ARL6IP4: variants seen among roughly 807,000 people sequenced by gnomAD.
ARL6IP4 encodes ADP-ribosylation factor-like protein 6-interacting protein 4.
Under a neutral mutation model 28.1 loss-of-function variants are expected in ARL6IP4, and 24 were observed. That is an observed-to-expected ratio of 0.86 (90% CI 0.62 to 1.20). ARL6IP4 has a LOEUF of 1.20. ARL6IP4 is among the 50% of genes most tolerant of loss of function. The pLI is 0.00. For synonymous variants in ARL6IP4, 162 were observed against 122.3 expected (o/e 1.32, Z -2.14); for missense variants, 343 against 302.4 (o/e 1.13, Z -1.00).
Position 122,981,620 on chromosome 12 carries a change from G to A in ARL6IP4, c.210G>A (p.Arg70=), listed in dbSNP as rs572450776. 14 of 1,562,574 alleles carry A rather than the reference G, an allele frequency of 9.0e-6. No homozygotes were observed. In the Admixed American group the frequency reaches 1.3e-4, roughly 14 times the overall value. ...ITERSKQKAR[R]RTRSSSSSSS... ...AGAGAAGCAAGCAGAAGGCCCGGAG[G>A]AGAACAAGATCCAGCTCCTCCTCCT... Residue 70 remains arginine (R), a synonymous_variant, in exon 3 of 6, where the codon AGG becomes AGA. Coordinates refer to ENST00000315580, the MANE Select transcript of ARL6IP4 (RefSeq NM_018694.4).
At position 122,981,834 on chromosome 12, in the gene ARL6IP4, C is replaced by T. The variant is rs759474425; in HGVS notation, c.424C>T (p.Leu142=). 3 of 1,610,056 alleles carry T rather than the reference C, an allele frequency of 1.9e-6. No individual in the cohort carries two copies. Among genetic ancestry groups the T allele is most frequent in the East Asian group, 2.2e-5 (1 of 44,750 alleles). The change falls in exon 3 of 6, where the codon CTG becomes TTG. Residue 142 remains leucine (L), a synonymous_variant. Transcript: ENST00000315580. ...QQVEALPGPS[L]DQWHRSAGEE... ...GGTGGAGGCTCTGCCGGGCCCCTCG[C>T]TGGACCAGTGGCACCGATCAGCTGG... is the stretch of plus-strand genomic sequence containing the variant.
chr12:122,980,385 CGTAT>C, upstream of ARL6IP4: 1 of 1,344,152 alleles, frequency 7.4e-7, no homozygotes, highest in Non-Finnish European at 9.6e-7. Context: ...AGCTCGCAGT[CGTAT>C]GGAGAGGGCA....
At chr12:122,980,467 T>G, upstream of ARL6IP4, 2 of 1,361,912 alleles carry the variant, frequency 1.5e-6, no homozygotes, top group Non-Finnish European at 1.9e-6. Context: ...GGGGCGTGGG[T>G]GCTGCGGGCG....
At chr12:122,980,955 C>A in intron 1 of ARL6IP4, 174 bp from the exon 2 acceptor site, 1 of 1,385,612 alleles carries the variant, frequency 7.2e-7, no homozygotes, top group Non-Finnish European at 9.3e-7. Context: ...GGACTGGAGT[C>A]GGCGGAGAAA....
chr12:122,982,705 G>A lies in ARL6IP4; in HGVS notation c.*29G>A, dbSNP rs370414396. On this transcript the variant is annotated 3_prime_UTR_variant, in exon 6 of 6. Coordinates refer to ENST00000315580, the MANE Select transcript of ARL6IP4 (RefSeq NM_018694.4). ...CCCCCGCTGGCCAAGGCCTGTGGAC[G>A]ACGCTGGCGGCCCAGCCTGGGCAGG... 20 of 1,606,594 alleles carry A rather than the reference G, an allele frequency of 1.2e-5. No homozygotes were observed. Among genetic ancestry groups the A allele is most frequent in the African/African-American group, 4.0e-5 (3 of 74,776 alleles).
Position 122,981,260 on chromosome 12 carries a change from T to G in ARL6IP4, c.121T>G (p.Ser41Ala). 1 of 1,549,524 alleles carries G rather than the reference T, an allele frequency of 6.5e-7. No homozygotes were observed. The highest frequency in any genetic ancestry group is 2.5e-5 in the East Asian group (1 of 40,688). Residue 41 changes from serine (S) to alanine (A), a missense_variant, in exon 2 of 6, where the codon TCC (serine) becomes GCC (alanine). Coordinates refer to ENST00000315580, the MANE Select transcript of ARL6IP4 (RefSeq NM_018694.4). Reference protein sequence around the residue: ...DTSRNCSASTSQGRKASTAPG... With the variant: ...DTSRNCSASTAQGRKASTAPG... Reference sequence around the variant, plus strand: ...CTCGAGGAACTGCTCGGCCTCCACATCCCAAGGTCGCAAGGCCAGCACGGC... The same window carrying G: ...CTCGAGGAACTGCTCGGCCTCCACAGCCCAAGGTCGCAAGGCCAGCACGGC...
chr12:122,982,035 T>G lies in ARL6IP4; in HGVS notation c.548T>G (p.Ile183Ser), dbSNP rs750726249. The change falls in exon 4 of 6, where the codon ATC (isoleucine) becomes AGC (serine). Residue 183 changes from isoleucine to serine, a missense_variant. Coordinates refer to ENST00000315580, the MANE Select transcript of ARL6IP4 (RefSeq NM_018694.4). ...GAGGAGTGGGATGCCCGGCAGAGCATCATCCGCAAGGTGGTGGACCCTGAG... is the reference window on the plus strand; with the variant it reads ...GAGGAGTGGGATGCCCGGCAGAGCAGCATCCGCAAGGTGGTGGACCCTGAG... Reference protein sequence around the residue: ...TKEEWDARQSIIRKVVDPETG... With the variant: ...TKEEWDARQSSIRKVVDPETG... 6.2e-7 allele frequency: 1 copy of G among 1,613,464 alleles called. No homozygotes were observed. The highest frequency in any genetic ancestry group is 1.3e-5 in the African/African-American group (1 of 74,932).
rs1331479494 is a variant in ARL6IP4, at chr12:122,981,325, G to C, written c.160+26G>C. The C allele has an allele frequency of 3.9e-6, 6 of 1,530,822 alleles. No homozygotes were observed. The Admixed American group carries it at 8.4e-5, about 21-fold the overall frequency. The allele number at this position is 1,530,822 out of a possible 1,614,324, so 94.8% of individuals were successfully genotyped here. On this transcript the variant is annotated intron_variant, in intron 2 of 5. Coordinates refer to ENST00000315580, the MANE Select transcript of ARL6IP4 (RefSeq NM_018694.4). ...GTGAGGACCACAGGCATCGGGGAGAGGAGGCGCAGTTACTACCCGGGGAAG... is the reference window on the plus strand; with the variant it reads ...GTGAGGACCACAGGCATCGGGGAGACGAGGCGCAGTTACTACCCGGGGAAG...
At chr12:122,980,589 G>A (rs1231826052), upstream of ARL6IP4, 2 of 1,390,202 alleles carry the variant, frequency 1.4e-6, no homozygotes, top group Non-Finnish European at 9.3e-7. Context: ...AGGTGGGCGC[G>A]CCCGGGACGG....
At chr12:122,980,831 G>A (rs2037612495) in intron 1 of ARL6IP4, 86 bp downstream of exon 1, 2 of 1,328,796 alleles carry the variant, frequency 1.5e-6, no homozygotes, top group Non-Finnish European at 1.9e-6. Context: ...GCGCGGGAAA[G>A]CGCCCCAGAC....
intron 2 of ARL6IP4, 42 bp from the exon 3 acceptor site, chr12:122,981,529 G>C: frequency 6.7e-7 from 1 of 1,492,994 alleles, no homozygotes; most frequent in Non-Finnish European, 8.9e-7. Context: ...CCAGGCCAGA[G>C]CAGGGGACGA....
intron 4 of ARL6IP4, 103 bp downstream of exon 4, chr12:122,982,177 A>G: frequency 3.8e-6 from 5 of 1,332,798 alleles, no homozygotes; most frequent in Non-Finnish European, 5.4e-6. Context: ...CTGGTGCCTG[A>G]AAAAGGCCAA....
At chr12:122,982,138 C>T (rs2037706187) in intron 4 of ARL6IP4, 64 bp downstream of exon 4, 3 of 1,569,558 alleles carry the variant, frequency 1.9e-6, no homozygotes, top group Non-Finnish European at 2.6e-6. Context: ...GATGTGTGCT[C>T]TCGGGAGGAG....
At chr12:122,981,338 C>G in intron 2 of ARL6IP4, 39 bp downstream of exon 2, 1 of 1,523,182 alleles carries the variant, frequency 6.6e-7, no homozygotes, top group Non-Finnish European at 8.8e-7. Flanking sequence ...GGCGCAGTTA[C>G]TACCCGGGGA....
At chr12:122,980,890 G>A (rs186157628) in intron 1 of ARL6IP4, 145 bp downstream of exon 1, 9 of 1,352,978 alleles carry the variant, frequency 6.7e-6, no homozygotes, top group Non-Finnish European at 8.5e-6. Context: ...GGAGCCGGGT[G>A]CGCAGGCGTG....
At position 122,980,732 on chromosome 12, in the gene ARL6IP4, G is replaced by A. The variant is rs1302982825; in HGVS notation, c.-25G>A. 2.9e-5 allele frequency: 38 copies of A among 1,322,204 alleles called. No individual in the cohort carries two copies. The highest frequency in any genetic ancestry group is 3.7e-5 in the Non-Finnish European group (38 of 1,040,708). The allele number at this position is 1,322,204 out of a possible 1,614,324, so 81.9% of individuals were successfully genotyped here. ...AGGCGCGGGGCGGGCTGTCCGGCCC[G>A]CAGGGCGGTCGAGGTGGGAACGGAG... On this transcript the variant is annotated 5_prime_UTR_variant, in exon 1 of 6. Coordinates refer to ENST00000315580, the MANE Select transcript of ARL6IP4 (RefSeq NM_018694.4).
chr12:122,982,711 G>A lies in ARL6IP4; in HGVS notation c.*35G>A, dbSNP rs748372148. 4.4e-6 allele frequency: 7 copies of A among 1,603,534 alleles called. No homozygotes were observed. In the South Asian group the frequency reaches 5.5e-5, roughly 13 times the overall value. On this transcript the variant is annotated 3_prime_UTR_variant, in exon 6 of 6. Coordinates refer to ENST00000315580, the MANE Select transcript of ARL6IP4 (RefSeq NM_018694.4). ...CTGGCCAAGGCCTGTGGACGACGCT[G>A]GCGGCCCAGCCTGGGCAGGTTTCAG...
chr12:122,982,614 C>G lies in ARL6IP4; in HGVS notation c.658-6C>G, dbSNP rs759035870. The G allele has an allele frequency of 1.9e-6, 3 of 1,614,144 alleles. No individual in the cohort carries two copies. The highest frequency in any genetic ancestry group is 1.3e-5 in the African/African-American group (1 of 75,054). ...TACCCCTCCTCCTGTGTGCTTTCTTCCCCAGCAAGCCACCCGAGGGGACTG... is the reference window on the plus strand; with the variant it reads ...TACCCCTCCTCCTGTGTGCTTTCTTGCCCAGCAAGCCACCCGAGGGGACTG... On this transcript the variant is annotated splice_region_variant and splice_polypyrimidine_tract_variant and intron_variant, in intron 5 of 5. Transcript: ENST00000315580.
At position 122,980,749 on chromosome 12, in the gene ARL6IP4, G is replaced by T; in HGVS notation, c.-12+4G>T. 7.6e-7 allele frequency: 1 copy of T among 1,319,158 alleles called. No homozygotes were observed. Among genetic ancestry groups the T allele is most frequent in the Non-Finnish European group, 9.6e-7 (1 of 1,039,102 alleles). The allele number at this position is 1,319,158 out of a possible 1,614,324, so 81.7% of individuals were successfully genotyped here. A position where few individuals can be genotyped will look rare whatever the true frequency, so the allele number is the denominator to read the frequency against. ...TCCGGCCCGCAGGGCGGTCGAGGTG[G>T]GAACGGAGCAGCCCCGGGGGCCCCC... On this transcript the variant is annotated splice_donor_region_variant and intron_variant, in intron 1 of 5. Coordinates refer to ENST00000315580, the MANE Select transcript of ARL6IP4 (RefSeq NM_018694.4).
Sources: gnomAD v4.1 joint callset for allele counts on GRCh38, gnomAD v4.1.1 for gene constraint, MANE v1.5 for transcripts, NCBI Gene and HGNC (gene_info 2026-07-23, HGNC 2026-07-21) for gene names.